GLIS3: variants seen among roughly 807,000 people sequenced by gnomAD.
GLIS3 encodes the protein GLIS family zinc finger 3.
GLIS3 carries 53 observed loss-of-function variants against 78.6 expected under a neutral mutation model. The observed-to-expected ratio is 0.67, with a 90% CI of 0.54 to 0.85. GLIS3 has a LOEUF of 0.85. GLIS3 is among the 40% of genes least tolerant of loss of function. The pLI, the probability that GLIS3 is intolerant of heterozygous loss-of-function variation, is 0.00. For missense variants in GLIS3, 1,703 were observed against 1,231.1 expected, an observed-to-expected ratio of 1.38 and a Z score of -5.74; for synonymous variants, 684 against 509.9, an observed-to-expected ratio of 1.34 and a Z score of -4.60.
At chr9:4,338,292 A>G (rs1169025293) in intron 2 of GLIS3, among the ~76,000 whole-genome samples, 1 of 152,052 alleles carries the variant, frequency 6.6e-6, no homozygotes, top group Admixed American at 6.6e-5. Flanking sequence ...CTGTAGACCT[A>G]CTGAATGAGA....
intron 6 of GLIS3, among the ~76,000 whole-genome samples, chr9:3,916,058 A>G (rs993094935): frequency 2.0e-5 from 3 of 152,206 alleles, no homozygotes; most frequent in Non-Finnish European, 4.4e-5. Context: ...AAAATCTTAG[A>G]AACAAAGAGT....
intron 8 of GLIS3, among the ~76,000 whole-genome samples, chr9:3,861,286 G>C (rs1027256081): frequency 6.6e-6 from 1 of 152,126 alleles, no homozygotes; most frequent in African/African-American, 2.4e-5. Context: ...TCAACAGAAA[G>C]TGAGGCATTT....
At chr9:4,431,828 G>A in the GLIS3 span, among the ~76,000 whole-genome samples, 32 of 126,530 alleles carry the variant, frequency 2.5e-4, no homozygotes, top group Non-Finnish European at 4.0e-4. Context: ...TGGGCAACAA[G>A]AGCAAAACTC....
At chr9:3,918,587 C>T (rs1273151953) in intron 6 of GLIS3, among the ~76,000 whole-genome samples, 1 of 152,096 alleles carries the variant, frequency 6.6e-6, no homozygotes. Context: ...ATAAATAATA[C>T]ACTGTCCTTT....
chr9:3,945,122 G>T (rs909325169), intron 4 of GLIS3, among the ~76,000 whole-genome samples: 1 of 152,100 alleles, frequency 6.6e-6, no homozygotes, highest in Non-Finnish European at 1.5e-5. Context: ...CACATGGGGG[G>T]ACCAAACTTT....
intron 4 of GLIS3, among the ~76,000 whole-genome samples, chr9:4,061,685 A>G (rs899375026): frequency 3.3e-5 from 5 of 152,244 alleles, no homozygotes; most frequent in African/African-American, 1.2e-4. Context: ...ATGAAAGTTC[A>G]GCAAAATATC....
the GLIS3 span, among the ~76,000 whole-genome samples, chr9:4,413,396 G>A: frequency 2.6e-5 from 4 of 152,104 alleles, no homozygotes; most frequent in African/African-American, 9.7e-5. Flanking sequence ...CGGTCATACT[G>A]TTAATCCCTG....
intron 9 of GLIS3, among the ~76,000 whole-genome samples, chr9:3,850,396 C>T (rs1042960731): frequency 7.9e-5 from 12 of 152,194 alleles, no homozygotes; most frequent in African/African-American, 1.7e-4. Flanking sequence ...AGGCTGAGGA[C>T]GTTTTTGTTC....
At chr9:4,221,922 T>TA (rs1242441520) in intron 2 of GLIS3, among the ~76,000 whole-genome samples, 2 of 152,224 alleles carry the variant, frequency 1.3e-5, no homozygotes, top group African/African-American at 2.4e-5. Flanking sequence ...GCCACTTATT[T>TA]AAGAGTCTGG....
chr9:3,933,473 A>G (rs1180491028), intron 5 of GLIS3, among the ~76,000 whole-genome samples: 1 of 152,180 alleles, frequency 6.6e-6, no homozygotes, highest in African/African-American at 2.4e-5. Flanking sequence ...TGAGGCTATG[A>G]CTCTTCAGTT....
In GLIS3 at chr9:4,282,147, C is replaced by T. The variant is rs1011525850; in HGVS notation, c.388+3891G>A. Among the ~76,000 whole-genome samples the T allele has an allele frequency of 1.2e-4, 19 of 152,192 alleles. 1 individual carries two copies. Among genetic ancestry groups the T allele is most frequent in the Admixed American group, 2.6e-4 (4 of 15,280 alleles). ...ACTTAACCTTTCTCCGTACACAGCTCTACGCTTCCCTAAGAGTTGCTATAA... is the reference window on the plus strand; with the variant it reads ...ACTTAACCTTTCTCCGTACACAGCTTTACGCTTCCCTAAGAGTTGCTATAA... On this transcript the variant is annotated intron_variant, in intron 2 of 10. Coordinates refer to ENST00000381971, the MANE Select transcript of GLIS3 (RefSeq NM_001042413.2).
the GLIS3 span, among the ~76,000 whole-genome samples, chr9:4,383,892 G>C: frequency 2.7e-3 from 412 of 152,302 alleles, 4 homozygotes; most frequent in African/African-American, 9.2e-3. Context: ...TCCTTGTCTA[G>C]AATAAAGGCC....
chr9:3,916,580 C>T (rs1156873630), intron 6 of GLIS3, among the ~76,000 whole-genome samples: 9 of 152,216 alleles, frequency 5.9e-5, no homozygotes, highest in Non-Finnish European at 8.8e-5. Flanking sequence ...GCCAACATCC[C>T]TTTCAGAGAA....
chr9:4,271,757 C>T (rs1270538383), intron 2 of GLIS3, among the ~76,000 whole-genome samples: 1 of 152,138 alleles, frequency 6.6e-6, no homozygotes, highest in Non-Finnish European at 1.5e-5. Flanking sequence ...CAGTAGAAAG[C>T]ACTGATCTCC....
chr9:4,277,321 A>G (rs1461658063), intron 2 of GLIS3, among the ~76,000 whole-genome samples: 2 of 152,194 alleles, frequency 1.3e-5, no homozygotes, highest in East Asian at 1.9e-4. Flanking sequence ...CTAGCTAACC[A>G]ACTGACCAAG....
At chr9:4,455,651 T>C in the GLIS3 span, among the ~76,000 whole-genome samples, 9 of 152,314 alleles carry the variant, frequency 5.9e-5, no homozygotes, top group East Asian at 1.7e-3. Flanking sequence ...ATTTTTAATA[T>C]CTTCATGAAG....
rs57500093 is a variant in GLIS3, at chr9:3,953,795, C to CTATA, written c.1711-16610_1711-16607dup. 5.9e-3 allele frequency among the ~76,000 whole-genome samples: 432 copies of CTATA among 73,218 alleles called. 1 individual carries two copies. The highest frequency in any genetic ancestry group is 0.041 in the East Asian group (79 of 1,910). The allele number at this position is 73,218 out of a possible 152,430, so 48.0% of individuals were successfully genotyped here. A position where few individuals can be genotyped will look rare whatever the true frequency, so the allele number is the denominator to read the frequency against. ...TCTCTCTCTCTCTCTCTCTCTCTCTCTATATATATATATATATATATATAT... is the reference window on the plus strand; with the variant it reads ...TCTCTCTCTCTCTCTCTCTCTCTCTCTATATATATATATATATATATATATATAT... On this transcript the variant is annotated intron_variant, in intron 4 of 10. Coordinates refer to ENST00000381971, the MANE Select transcript of GLIS3 (RefSeq NM_001042413.2).
At chr9:3,828,480 T>TA in intron 10 of GLIS3, 72 bp from the exon 11 acceptor site, 1 of 1,585,984 alleles carries the variant, frequency 6.3e-7, no homozygotes, top group Non-Finnish European at 8.6e-7. Context: ...TGCACTACAG[T>TA]AATGCAGCTC....
At chr9:4,391,048 A>T in the GLIS3 span, among the ~76,000 whole-genome samples, 1 of 152,030 alleles carries the variant, frequency 6.6e-6, no homozygotes, top group African/African-American at 2.4e-5. Context: ...TTTGGATGTC[A>T]TTCCTCTCCA....
Sources: allele counts gnomAD v4.1 joint callset (sites outside exome capture counted in the v4.1 genomes callset), GRCh38; gene constraint gnomAD v4.1.1; transcripts MANE v1.5; gene names NCBI Gene and HGNC (gene_info 2026-07-23, HGNC 2026-07-21).